Variants in NEDD4L observed in about 807,000 individuals in gnomAD.
The protein encoded by NEDD4L is NEDD4 like E3 ubiquitin protein ligase, also known as E3 ubiquitin-protein ligase NEDD4-like.
A neutral mutation model predicts 148.9 loss-of-function variants in NEDD4L; 54 were observed. The observed-to-expected ratio is 0.36, with a 90% CI of 0.29 to 0.45. NEDD4L has a LOEUF of 0.45. Among genes scored for constraint, NEDD4L ranks in the 20% least tolerant of loss-of-function variants. NEDD4L has a pLI of 1.00. For missense variants in NEDD4L, 856 were observed against 1,233.8 expected (o/e 0.69, Z 4.59); for synonymous variants, 433 against 440.7 (o/e 0.98, Z 0.22).
intron 5 of NEDD4L, among the ~76,000 whole-genome samples, chr18:58,299,137 A>T (rs1045465737): frequency 6.6e-6 from 1 of 152,264 alleles, no homozygotes; most frequent in Non-Finnish European, 1.5e-5. Flanking sequence ...ATTCTGTTTT[A>T]TTAGAAATTC....
chr18:58,291,394 A>C (rs532255606), intron 5 of NEDD4L, among the ~76,000 whole-genome samples: 1 of 152,302 alleles, frequency 6.6e-6, no homozygotes, highest in Admixed American at 6.5e-5. Flanking sequence ...GTGCCTGGAG[A>C]GGAGAGAGAA....
At chr18:58,389,865 C>T (rs775908166) in intron 28 of NEDD4L, among the ~76,000 whole-genome samples, 1 of 151,902 alleles carries the variant, frequency 6.6e-6, no homozygotes, top group Non-Finnish European at 1.5e-5. Context: ...GATGGGGTCT[C>T]ACTGTGTTGC....
In NEDD4L at chr18:58,322,413, T is replaced by C; in HGVS notation, c.349-12T>C. The stretch of plus-strand genomic sequence containing the variant: ...GAATATTAAAATTTAATTTACTGTT[T>C]TTTCCCCACAGACAGAAGATCCAAC... On this transcript the variant is annotated splice_polypyrimidine_tract_variant and intron_variant, in intron 6 of 30. Coordinates refer to ENST00000400345, the MANE Select transcript of NEDD4L (RefSeq NM_001144967.3). 6.3e-7 allele frequency: 1 copy of C among 1,588,892 alleles called. No individual in the cohort carries two copies. Among genetic ancestry groups the C allele is most frequent in the Non-Finnish European group, 8.6e-7 (1 of 1,158,226 alleles).
chr18:58,117,546 C>T (rs574238193), intron 1 of NEDD4L, among the ~76,000 whole-genome samples: 25 of 152,336 alleles, frequency 1.6e-4, no homozygotes, highest in African/African-American at 6.0e-4. Context: ...CATCGCTTCA[C>T]AGTTGTCTTT....
At chr18:58,211,935 G>A (rs1016438406) in intron 2 of NEDD4L, among the ~76,000 whole-genome samples, 1 of 152,166 alleles carries the variant, frequency 6.6e-6, no homozygotes, top group Non-Finnish European at 1.5e-5. Flanking sequence ...TGGGGGAACA[G>A]CACAGACCTC....
At chr18:58,291,964 G>A (rs888090499) in intron 5 of NEDD4L, among the ~76,000 whole-genome samples, 5 of 152,126 alleles carry the variant, frequency 3.3e-5, no homozygotes, top group Admixed American at 1.3e-4. Context: ...AGTATAAAAA[G>A]CACATTCGTA....
intron 5 of NEDD4L, among the ~76,000 whole-genome samples, chr18:58,308,514 T>C (rs2057317220): frequency 6.6e-6 from 1 of 152,218 alleles, no homozygotes; most frequent in Non-Finnish European, 1.5e-5. Context: ...AGGTACAACA[T>C]TGAAGAGGCA....
chr18:58,087,392 T>G (rs978765123), intron 1 of NEDD4L, among the ~76,000 whole-genome samples: 1 of 152,156 alleles, frequency 6.6e-6, no homozygotes, highest in African/African-American at 2.4e-5. Context: ...TCTTCAGGGG[T>G]TTTCGAACTC....
chr18:58,330,491 A>G (rs966645270), intron 10 of NEDD4L, among the ~76,000 whole-genome samples: 2 of 152,308 alleles, frequency 1.3e-5, no homozygotes, highest in East Asian at 1.9e-4. Flanking sequence ...GATTCACATC[A>G]TGGCCCTACC....
chr18:58,247,268 C>T (rs1233872946), intron 3 of NEDD4L: 1 of 152,176 alleles, frequency 6.6e-6, no homozygotes, highest in Non-Finnish European at 1.5e-5. Context: ...ACCGTAACTG[C>T]AGCGTGTCCT....
chr18:58,357,068 G>A, intron 18 of NEDD4L, 126 bp from the exon 19 acceptor site: 1 of 802,934 alleles, frequency 1.2e-6, no homozygotes, highest in Non-Finnish European at 2.0e-6. Flanking sequence ...TTTGTCTTTA[G>A]AACACAGGGT....
chr18:58,067,932 A>G (rs554366183), intron 1 of NEDD4L, among the ~76,000 whole-genome samples: 1 of 152,092 alleles, frequency 6.6e-6, no homozygotes, highest in Non-Finnish European at 1.5e-5. Context: ...GTAAAATGGG[A>G]TTGCACTGTT....
At chr18:58,181,007 G>A (rs1048246381) in intron 2 of NEDD4L, among the ~76,000 whole-genome samples, 11 of 152,232 alleles carry the variant, frequency 7.2e-5, no homozygotes, top group African/African-American at 2.4e-4. Flanking sequence ...TCGAATAGTC[G>A]ATTGGAGTTC....
intron 1 of NEDD4L, among the ~76,000 whole-genome samples, chr18:58,059,238 A>G (rs117710200): frequency 0.018 from 2,680 of 151,414 alleles, 29 homozygotes; most frequent in South Asian, 0.029. Context: ...CCCTCCTCCT[A>G]TTTTCTAGTC....
intron 1 of NEDD4L, among the ~76,000 whole-genome samples, chr18:58,157,917 TAAC>T (rs2035720904): frequency 6.6e-6 from 1 of 152,272 alleles, no homozygotes; most frequent in African/African-American, 2.4e-5. Flanking sequence ...TATTGCTACA[TAAC>T]AAATTAGTTT....
Position 58,093,982 on chromosome 18 carries a change from T to C in NEDD4L, c.48+49274T>C, listed in dbSNP as rs138950543. Among the ~76,000 whole-genome samples the C allele has an allele frequency of 2.0e-5, 3 of 152,282 alleles. No homozygotes were observed. In the East Asian group the frequency reaches 5.8e-4, roughly 29 times the overall value. On this transcript the variant is annotated intron_variant, in intron 1 of 30. Transcript: ENST00000400345. ...GAGGCAGGGCTGTGGGCTGCTTTCCTGAAGCCTGACTCCTTTCTTTCCTCA... is the reference window on the plus strand; with the variant it reads ...GAGGCAGGGCTGTGGGCTGCTTTCCCGAAGCCTGACTCCTTTCTTTCCTCA...
intron 1 of NEDD4L, among the ~76,000 whole-genome samples, chr18:58,057,511 C>T (rs541656137): frequency 6.6e-6 from 1 of 152,294 alleles, no homozygotes; most frequent in South Asian, 2.1e-4. Context: ...TTGTCCTCTG[C>T]AGCTGCACCT....
chr18:58,174,917 CTT>C (rs1037914911), intron 2 of NEDD4L, among the ~76,000 whole-genome samples: 1 of 152,158 alleles, frequency 6.6e-6, no homozygotes, highest in Non-Finnish European at 1.5e-5. Context: ...CTTTGCCCTT[CTT>C]TGAAAACATT....
Position 58,385,589 on chromosome 18 carries a change from A to C in NEDD4L, c.2487+3A>C. The C allele has an allele frequency of 6.2e-7, 1 of 1,612,882 alleles. No homozygotes were observed. Among genetic ancestry groups the C allele is most frequent in the Non-Finnish European group, 8.5e-7 (1 of 1,178,866 alleles). ...AGCAGATGAACGCCTTCTTGGAGGT[A>C]AGCCATGCTGGCCAGGGTTCTCTGC... On this transcript the variant is annotated splice_donor_region_variant and intron_variant, in intron 26 of 30. Transcript: ENST00000400345.
Sources: allele counts gnomAD v4.1 joint callset (sites outside exome capture counted in the v4.1 genomes callset), GRCh38; gene constraint gnomAD v4.1.1; transcripts MANE v1.5; gene names NCBI Gene and HGNC (gene_info 2026-07-23, HGNC 2026-07-21).